PCDHGA3: variants seen among roughly 807,000 people sequenced by gnomAD.
PCDHGA3 encodes protocadherin gamma subfamily A, 3, also known as protocadherin gamma-A3.
PCDHGA3 carries 40 observed loss-of-function variants against 58.5 expected under a neutral mutation model. The observed-to-expected ratio is 0.68, with a 90% CI of 0.53 to 0.89. The LOEUF (loss-of-function observed/expected upper bound fraction) is 0.89. PCDHGA3 is among the 40% of genes least tolerant of loss of function. The probability of loss-of-function intolerance (pLI) is 0.00; values close to 1 mark genes in which losing one functional copy is unlikely to be tolerated. For missense variants in PCDHGA3, 1,223 were observed against 1,195.9 expected (o/e 1.02, Z -0.33); for synonymous variants, 530 against 525.7 (o/e 1.01, Z -0.11).
At chr5:141,405,114 C>T in intron 1 of PCDHGA3, 1 of 1,613,970 alleles carries the variant, frequency 6.2e-7, no homozygotes, top group Non-Finnish European at 8.5e-7. Flanking sequence ...CACTGGCACT[C>T]CTCGCATCTG....
At chr5:141,404,043 C>T (rs781644500) in intron 1 of PCDHGA3, 1 of 1,613,844 alleles carries the variant, frequency 6.2e-7, no homozygotes, top group East Asian at 2.2e-5. Context: ...CCTCAGGGAA[C>T]AGTAATTCTT....
At chr5:141,437,249 T>G (rs2097870737) in intron 1 of PCDHGA3, among the ~76,000 whole-genome samples, 1 of 152,240 alleles carries the variant, frequency 6.6e-6, no homozygotes, top group African/African-American at 2.4e-5. Context: ...GGACTTTCCT[T>G]GTCTTTTTAT....
rs1449605701 is a variant in PCDHGA3 at position 141,485,191 on chromosome 5, A to C, written c.2425-9616A>C. ...CGGCAGCAATGCTCCGCAAGGTGAG[A>C]AGCTGGACAGAAATCTGGCGGTGGG... is the stretch of plus-strand genomic sequence containing the variant. On this transcript the variant is annotated intron_variant, in intron 1 of 3. Coordinates refer to ENST00000253812, the MANE Select transcript of PCDHGA3 (RefSeq NM_018916.4). This position sits in a 1 kb window ranked among gnomAD's most constrained non-coding sequence, Gnocchi z 5.7. The C allele has an allele frequency of 6.2e-7, 1 of 1,613,836 alleles. No individual in the cohort carries two copies. The highest frequency in any genetic ancestry group is 1.3e-5 in the African/African-American group (1 of 75,042).
Position 141,486,239 on chromosome 5 carries a change from C to G in PCDHGA3, c.2425-8568C>G, listed in dbSNP as rs751510109. On this transcript the variant is annotated intron_variant, in intron 1 of 3. Transcript: ENST00000253812. The surrounding 1 kb of genome is among the most constrained non-coding windows in gnomAD (Gnocchi z 5.0). ...CCCTTACATCACAGTGACCTCAGAG[C>G]TTGGAACCCTCCCCGAGAGTGCAGA... 6.2e-7 allele frequency: 1 copy of G among 1,614,160 alleles called. No individual in the cohort carries two copies. Among genetic ancestry groups the G allele is most frequent in the Admixed American group, 1.7e-5 (1 of 60,020 alleles).
intron 1 of PCDHGA3, chr5:141,352,549 T>C: frequency 6.2e-7 from 1 of 1,613,996 alleles, no homozygotes; most frequent in Non-Finnish European, 8.5e-7. Context: ...AGTTTAATTC[T>C]CTCAACCTGA....
Position 141,345,736 on chromosome 5 carries a change from C to G in PCDHGA3, c.1703C>G (p.Pro568Arg), listed in dbSNP as rs1272534792. Residue 568 changes from proline to arginine, a missense_variant, in exon 1 of 4, where the codon CCC (proline) becomes CGC (arginine). Physicochemically the swap from Pro to Arg is moderately radical, Grantham distance 103. Coordinates refer to ENST00000253812, the MANE Select transcript of PCDHGA3 (RefSeq NM_018916.4). ...CCCGAGATCCTGTACCCCGCCCTCC[C>G]CACAGACGGTTCCACTGGCGTGGAG... Reference protein sequence around the residue: ...NAPEILYPALPTDGSTGVELA... With the variant: ...NAPEILYPALRTDGSTGVELA... 3 of 1,614,102 alleles carry G rather than the reference C, an allele frequency of 1.9e-6. No homozygotes were observed. Among genetic ancestry groups the G allele is most frequent in the African/African-American group, 1.3e-5 (1 of 74,936 alleles).
chr5:141,436,813 G>A (rs537103294), intron 1 of PCDHGA3, among the ~76,000 whole-genome samples: 91 of 152,320 alleles, frequency 6.0e-4, no homozygotes, highest in Non-Finnish European at 1.1e-3. Flanking sequence ...TGTGACAGCT[G>A]GTTTAAAAAT....
At chr5:141,386,790 C>T (rs546308515) in intron 1 of PCDHGA3, among the ~76,000 whole-genome samples, 2 of 152,232 alleles carry the variant, frequency 1.3e-5, no homozygotes, top group South Asian at 4.2e-4. Flanking sequence ...AATCTCCTGA[C>T]CAAAATTTAT....
intron 1 of PCDHGA3, chr5:141,356,481 G>C (rs1760234001): frequency 6.2e-7 from 1 of 1,613,916 alleles, no homozygotes; most frequent in Non-Finnish European, 8.5e-7. Context: ...CCACTGACCA[G>C]GGAACTCCTC....
At chr5:141,347,247 A>G (rs1757940581) in intron 1 of PCDHGA3, among the ~76,000 whole-genome samples, 1 of 150,900 alleles carries the variant, frequency 6.6e-6, no homozygotes, top group South Asian at 2.1e-4. Context: ...TTGACCTCGC[A>G]GACTCAAGTG....
chr5:141,403,377 T>G lies in PCDHGA3; in HGVS notation c.2424+56920T>G. 6.2e-7 allele frequency: 1 copy of G among 1,614,016 alleles called. No homozygotes were observed. The highest frequency in any genetic ancestry group is 8.5e-7 in the Non-Finnish European group (1 of 1,179,900). On this transcript the variant is annotated intron_variant, in intron 1 of 3. Transcript: ENST00000253812. ...CAGGCCGAAAGTCTGGAAGTAAAAA[T>G]TAACGAAATCGCGGTTCCTGGAGCA... is the stretch of plus-strand genomic sequence containing the variant.
chr5:141,409,809 A>T (rs754765049), intron 1 of PCDHGA3: 62 of 1,611,424 alleles, frequency 3.8e-5, no homozygotes, highest in Non-Finnish European at 7.6e-6. Context: ...CAGGCCCGCG[A>T]CCACGGCTCG....
At position 141,399,286 on chromosome 5, in the gene PCDHGA3, C is replaced by T; in HGVS notation, c.2424+52829C>T. 3.1e-6 allele frequency: 5 copies of T among 1,613,858 alleles called. No individual in the cohort carries two copies. In the South Asian group the frequency reaches 5.5e-5, roughly 18 times the overall value. ...TAATTGTCAATTACAAGGCGAAGTCCCTTTTAAGATTATCTCTTCATCCAA... is the reference window on the plus strand; with the variant it reads ...TAATTGTCAATTACAAGGCGAAGTCTCTTTTAAGATTATCTCTTCATCCAA... On this transcript the variant is annotated intron_variant, in intron 1 of 3. Transcript: ENST00000253812.
At position 141,476,565 on chromosome 5, in the gene PCDHGA3, C is replaced by A; in HGVS notation, c.2425-18242C>A. 1 of 1,614,184 alleles carries A rather than the reference C, an allele frequency of 6.2e-7. No homozygotes were observed. ...TTGGAGATTAGCGAGGCCGTGGCTC[C>A]GGGGACGCGCTTTCCGCTCGAGAGC... On this transcript the variant is annotated intron_variant, in intron 1 of 3. Coordinates refer to ENST00000253812, the MANE Select transcript of PCDHGA3 (RefSeq NM_018916.4). The surrounding 1 kb of genome is among the most constrained non-coding windows in gnomAD (Gnocchi z 7.6).
intron 1 of PCDHGA3, among the ~76,000 whole-genome samples, chr5:141,420,845 G>A (rs1038454602): frequency 6.6e-6 from 1 of 152,200 alleles, no homozygotes; most frequent in African/African-American, 2.4e-5. Flanking sequence ...GGTGTTCTTG[G>A]TAAAGTTTTA....
rs1043830490 is a variant in PCDHGA3, at chr5:141,357,171, C to T, written c.2424+10714C>T. On this transcript the variant is annotated intron_variant, in intron 1 of 3. Coordinates refer to ENST00000253812, the MANE Select transcript of PCDHGA3 (RefSeq NM_018916.4). Reference sequence around the variant, plus strand: ...ATGGCCAGCCCCCTCTCTCGGCCACCGTCACACTCACTGTGGCTGTGGCCG... The same window carrying T: ...ATGGCCAGCCCCCTCTCTCGGCCACTGTCACACTCACTGTGGCTGTGGCCG... 6 of 1,613,588 alleles carry T rather than the reference C, an allele frequency of 3.7e-6. No individual in the cohort carries two copies. The African/African-American group carries it at 4.0e-5, about 11-fold the overall frequency.
intron 1 of PCDHGA3, chr5:141,375,539 C>G (rs1771564723): frequency 1.2e-6 from 2 of 1,613,986 alleles, no homozygotes; most frequent in Non-Finnish European, 1.7e-6. Context: ...CCAGAACGCC[C>G]AAGTCTCCTA....
At chr5:141,410,631 C>A (rs1227907799) in intron 1 of PCDHGA3, 1 of 1,600,936 alleles carries the variant, frequency 6.2e-7, no homozygotes, top group East Asian at 2.2e-5. Context: ...GTGAGTTTCT[C>A]TTTTTTGTGT....
intron 1 of PCDHGA3, chr5:141,389,400 AGCGC>A (rs2150385005): frequency 1.2e-6 from 2 of 1,613,622 alleles, no homozygotes; most frequent in African/African-American, 2.7e-5. Flanking sequence ...CGTGTCCATA[AGCGC>A]GGAGAGCGGG....
Sources: gnomAD v4.1 joint callset for allele counts (sites outside exome capture counted in the v4.1 genomes callset) on GRCh38, gnomAD v4.1.1 for gene constraint, Gnocchi (gnomAD v3.1) non-coding constraint, MANE v1.5 for transcripts, NCBI Gene and HGNC (gene_info 2026-07-23, HGNC 2026-07-21) for gene names.